Variants in SEMA6D observed in about 807,000 individuals in gnomAD.
The protein encoded by SEMA6D is semaphorin 6D, also known as semaphorin-6D.
In SEMA6D, 35 loss-of-function variants were observed where a neutral mutation model predicts 106.6. That is an observed-to-expected ratio of 0.33 (90% CI 0.25 to 0.44). The LOEUF (loss-of-function observed/expected upper bound fraction) is 0.44, where lower values mean the gene tolerates loss of function less well. Among genes scored for constraint, SEMA6D ranks in the 20% least tolerant of loss-of-function variants. The pLI, the probability that SEMA6D is intolerant of heterozygous loss-of-function variation, is 1.00. For missense variants in SEMA6D, 1,185 were observed against 1,345.9 expected (o/e 0.88, Z 1.87); for synonymous variants, 499 against 487.7 (o/e 1.02, Z -0.31).
At chr15:47,536,780 A>G (rs1273773670) in intron 3 of SEMA6D, among the ~76,000 whole-genome samples, 1 of 152,208 alleles carries the variant, frequency 6.6e-6, no homozygotes, top group Non-Finnish European at 1.5e-5. Flanking sequence ...CAAAGATGGT[A>G]TTATTGTACA....
At chr15:47,256,962 G>A (rs1326686776) in intron 1 of SEMA6D, among the ~76,000 whole-genome samples, 1 of 151,882 alleles carries the variant, frequency 6.6e-6, no homozygotes, top group East Asian at 1.9e-4. Flanking sequence ...CAACATAATT[G>A]TCTTTCCAAT....
intron 2 of SEMA6D, among the ~76,000 whole-genome samples, chr15:47,432,524 A>G (rs1446208672): frequency 1.6e-5 from 2 of 125,040 alleles, no homozygotes. Flanking sequence ...ACATATGCAT[A>G]TATACATACA....
intron 4 of SEMA6D, among the ~76,000 whole-genome samples, chr15:47,603,094 G>T (rs910634542): frequency 2.0e-5 from 3 of 152,192 alleles, no homozygotes; most frequent in Admixed American, 2.0e-4. Flanking sequence ...GGTACATTAT[G>T]TGAAGATACT....
intron 3 of SEMA6D, among the ~76,000 whole-genome samples, chr15:47,560,329 A>G (rs991548778): frequency 6.6e-6 from 1 of 152,116 alleles, no homozygotes; most frequent in Non-Finnish European, 1.5e-5. Context: ...AAGCATAATA[A>G]CAATGACTCA....
At chr15:47,361,561 C>T (rs1483197180) in intron 1 of SEMA6D, among the ~76,000 whole-genome samples, 1 of 152,238 alleles carries the variant, frequency 6.6e-6, no homozygotes, top group African/African-American at 2.4e-5. Context: ...TACTCACTGC[C>T]TCCCAGCTAG....
chr15:47,574,556 T>C (rs996516267), intron 3 of SEMA6D, among the ~76,000 whole-genome samples: 1 of 152,212 alleles, frequency 6.6e-6, no homozygotes, highest in Non-Finnish European at 1.5e-5. Flanking sequence ...CGGAATCTTG[T>C]ATGCACAAGT....
intron 13 of SEMA6D, 43 bp downstream of exon 13, chr15:47,765,099 A>G: frequency 6.3e-7 from 1 of 1,593,866 alleles, no homozygotes; most frequent in Non-Finnish European, 8.6e-7. Flanking sequence ...CTGCTCAAAA[A>G]TTTTCGGCAT....
At chr15:47,697,921 C>G (rs2078733392) in intron 4 of SEMA6D, among the ~76,000 whole-genome samples, 3 of 152,198 alleles carry the variant, frequency 2.0e-5, no homozygotes, top group African/African-American at 2.4e-5. Flanking sequence ...CATTCCAACC[C>G]AATGCTTCCC....
intron 4 of SEMA6D, among the ~76,000 whole-genome samples, chr15:47,629,873 C>T (rs1240170289): frequency 6.6e-6 from 1 of 151,838 alleles, no homozygotes; most frequent in African/African-American, 2.4e-5. Flanking sequence ...CTGCAAATGA[C>T]ATGATTTTAT....
rs2079991675 is a variant in SEMA6D at position 47,729,650 on chromosome 15, A to T, written c.-55+11958A>T. 2.6e-5 allele frequency among the ~76,000 whole-genome samples: 4 copies of T among 152,188 alleles called. No homozygotes were observed. The South Asian group carries it at 8.3e-4, about 31-fold the overall frequency. ...TTCCAGCCTGTGAGGATTGATACCC[A>T]CAGAGGCCAATCAGAAAATCCAGAG... On this transcript the variant is annotated intron_variant, in intron 1 of 18. Transcript: ENST00000536845.
intron 3 of SEMA6D, among the ~76,000 whole-genome samples, chr15:47,550,196 T>C (rs1435400002): frequency 6.6e-6 from 1 of 152,198 alleles, no homozygotes; most frequent in African/African-American, 2.4e-5. Context: ...GGGTTTCCTT[T>C]ACTTCCAAGT....
chr15:47,620,549 A>C (rs1265373543), intron 4 of SEMA6D, among the ~76,000 whole-genome samples: 1 of 152,150 alleles, frequency 6.6e-6, no homozygotes, highest in Non-Finnish European at 1.5e-5. Context: ...ATTTTTTAAA[A>C]AGCAAATCAG....
intron 1 of SEMA6D, among the ~76,000 whole-genome samples, chr15:47,325,331 G>A (rs920898638): frequency 3.9e-5 from 6 of 151,998 alleles, no homozygotes; most frequent in Admixed American, 3.9e-4. Context: ...CCACCACCAG[G>A]CCCGGCTAAT....
chr15:47,745,452 C>A (rs4775708), intron 1 of SEMA6D, among the ~76,000 whole-genome samples: 31,499 of 152,266 alleles, frequency 0.21, 3,771 homozygotes, highest in Middle Eastern at 0.27. Context: ...TTCTCTACCC[C>A]GTACGCCACT....
chr15:47,285,016 C>G (rs1263811155), intron 1 of SEMA6D, among the ~76,000 whole-genome samples: 1 of 152,174 alleles, frequency 6.6e-6, no homozygotes. Flanking sequence ...TCCATGACTC[C>G]TAGTGTGATC....
intron 1 of SEMA6D, among the ~76,000 whole-genome samples, chr15:47,300,052 G>A (rs751543940): frequency 1.3e-5 from 2 of 152,168 alleles, no homozygotes; most frequent in Non-Finnish European, 2.9e-5. Context: ...GGGTGTTAGG[G>A]AGCCTCAGAA....
chr15:47,583,957 C>G (rs2076294761), intron 3 of SEMA6D, among the ~76,000 whole-genome samples: 1 of 152,164 alleles, frequency 6.6e-6, no homozygotes, highest in Non-Finnish European at 1.5e-5. Context: ...GTCTCCCTGT[C>G]CTTCTCCCAC....
chr15:47,443,637 T>C (rs1470454685), intron 2 of SEMA6D, among the ~76,000 whole-genome samples: 1 of 152,100 alleles, frequency 6.6e-6, no homozygotes, highest in Non-Finnish European at 1.5e-5. Flanking sequence ...AAATGATTAT[T>C]GTTTAAAGCC....
chr15:47,207,993 G>GCACACACACACACACACA (rs57079521), intron 1 of SEMA6D, among the ~76,000 whole-genome samples: 20 of 89,450 alleles, frequency 2.2e-4, no homozygotes, highest in African/African-American at 4.5e-4. Flanking sequence ...TGGCGCGCGC[G>GCACACACACACACACACA]CACACACACA....
Sources: gnomAD v4.1 joint callset for allele counts (sites outside exome capture counted in the v4.1 genomes callset) on GRCh38, gnomAD v4.1.1 for gene constraint, MANE v1.5 for transcripts, NCBI Gene and HGNC (gene_info 2026-07-23, HGNC 2026-07-21) for gene names.